Variants in SLC27A1 observed in about 807,000 individuals in gnomAD.
SLC27A1 encodes long-chain fatty acid transport protein 1.
A neutral mutation model predicts 62.2 loss-of-function variants in SLC27A1; 61 were observed. That is an observed-to-expected ratio of 0.98 (90% CI 0.80 to 1.21). The LOEUF (loss-of-function observed/expected upper bound fraction) is 1.21, where lower values mean the gene tolerates loss of function less well. Ranked by LOEUF, SLC27A1 falls within the 50% of genes most tolerant of loss-of-function variation. The pLI, the probability that SLC27A1 is intolerant of heterozygous loss-of-function variation, is 0.00. For synonymous variants in SLC27A1, 435 were observed against 408.6 expected (o/e 1.06, Z -0.78); for missense variants, 903 against 932.1 (o/e 0.97, Z 0.41).
intron 6 of SLC27A1, among the ~76,000 whole-genome samples, chr19:17,492,097 G>A (rs762790361): frequency 6.6e-6 from 1 of 152,060 alleles, no homozygotes; most frequent in Non-Finnish European, 1.5e-5. Context: ...TGGCCTCCCT[G>A]CACCAGATGC....
chr19:17,487,002 G>T, intron 2 of SLC27A1, 45 bp downstream of exon 2: 1 of 1,540,070 alleles, frequency 6.5e-7, no homozygotes. Context: ...CCCAGGACTG[G>T]CCCCTGGGCG....
intron 11 of SLC27A1, among the ~76,000 whole-genome samples, chr19:17,502,618 T>C (rs902621490): frequency 6.6e-6 from 1 of 152,010 alleles, no homozygotes; most frequent in Admixed American, 6.6e-5. Context: ...CCTCCCAAAG[T>C]GTTGGGATTA....
intron 1 of SLC27A1, among the ~76,000 whole-genome samples, chr19:17,483,083 AGGG>A (rs1599648156): frequency 1.3e-5 from 2 of 152,170 alleles, no homozygotes; most frequent in African/African-American, 2.4e-5. Flanking sequence ...TGAATGAATG[AGGG>A]AAGGAGGGAA....
In SLC27A1 at chr19:17,504,734, G is replaced by A. The variant is rs781076125; in HGVS notation, c.*122G>A. 7.6e-6 allele frequency: 10 copies of A among 1,311,404 alleles called. No homozygotes were observed. The highest frequency in any genetic ancestry group is 1.1e-5 in the Non-Finnish European group (10 of 936,338). The allele number at this position is 1,311,404 out of a possible 1,614,324, so 81.2% of individuals were successfully genotyped here. On this transcript the variant is annotated 3_prime_UTR_variant, in exon 12 of 12. Coordinates refer to ENST00000252595, the MANE Select transcript of SLC27A1 (RefSeq NM_198580.3). ...ACCTGGCCGAGCTGTACCTGGCACG[G>A]CCCATCCTGGACTGAGAAACTGGAA...
At position 17,488,841 on chromosome 19, in the gene SLC27A1, C is replaced by A. The variant is rs758008791; in HGVS notation, c.795-7C>A. The A allele has an allele frequency of 1.2e-6, 2 of 1,613,040 alleles. No individual in the cohort carries two copies. Among genetic ancestry groups the A allele is most frequent in the South Asian group, 1.1e-5 (1 of 90,982 alleles). On this transcript the variant is annotated splice_region_variant and splice_polypyrimidine_tract_variant and intron_variant, in intron 4 of 11. Coordinates refer to ENST00000252595, the MANE Select transcript of SLC27A1 (RefSeq NM_198580.3). ...CTCTGCCCTCCCGGCTCCCCCTCCC[C>A]CTGCAGGTACTACCGCATGGCAGCC...
intron 11 of SLC27A1, among the ~76,000 whole-genome samples, 191 bp from the exon 12 acceptor site, chr19:17,504,264 C>T (rs1010603389): frequency 6.6e-6 from 1 of 152,074 alleles, no homozygotes; most frequent in Admixed American, 6.6e-5. Context: ...GTTAGGGAGG[C>T]CTCACTGGAG....
intron 1 of SLC27A1, among the ~76,000 whole-genome samples, chr19:17,477,721 T>G (rs1182899618): frequency 1.3e-5 from 2 of 150,430 alleles, no homozygotes; most frequent in Non-Finnish European, 3.0e-5. Flanking sequence ...CCCGGCTAAT[T>G]TTTTTGTATT....
rs142845009 is a variant in SLC27A1 at position 17,489,082 on chromosome 19, C to G, written c.961C>G (p.Arg321Gly). ...VVLRKKFSAS[R>G]FWDDCIKYNC... is the part of the protein sequence containing the mutation. ...CCTCCGCAAGAAATTCTCGGCCAGC[C>G]GCTTCTGGGACGACTGCATCAAGTA... The change falls in exon 6 of 12, where the codon CGC becomes GGC. Residue 321 changes from arginine (R) to glycine (G), a missense_variant. Arg to Gly is a moderately radical substitution (Grantham distance 125). Transcript: ENST00000252595. 1.9e-6 allele frequency: 3 copies of G among 1,614,054 alleles called. No homozygotes were observed. The highest frequency in any genetic ancestry group is 1.7e-5 in the Admixed American group (1 of 60,002).
chr19:17,483,070 G>T (rs1426623371), intron 1 of SLC27A1, among the ~76,000 whole-genome samples: 2 of 151,856 alleles, frequency 1.3e-5, no homozygotes, highest in African/African-American at 4.8e-5. Context: ...GTGAAGGAGG[G>T]AATGAATGAA....
At chr19:17,488,514 C>CA (rs1363895811) in intron 4 of SLC27A1, among the ~76,000 whole-genome samples, 1 of 152,176 alleles carries the variant, frequency 6.6e-6, no homozygotes, top group Non-Finnish European at 1.5e-5. Flanking sequence ...TCAGGGCCCT[C>CA]ACATGTGCTG....
chr19:17,476,342 C>G (rs932440826), intron 1 of SLC27A1, among the ~76,000 whole-genome samples: 2 of 152,050 alleles, frequency 1.3e-5, no homozygotes, highest in Non-Finnish European at 2.9e-5. Context: ...TCGAGACTAG[C>G]CTGGCCAACG....
intron 1 of SLC27A1, among the ~76,000 whole-genome samples, chr19:17,472,362 T>C (rs1729104313): frequency 6.9e-6 from 1 of 145,456 alleles, no homozygotes; most frequent in African/African-American, 2.6e-5. Flanking sequence ...GCCACTGCAG[T>C]CCAGCTTGGG....
In SLC27A1 at chr19:17,486,525, G is replaced by A. The variant is rs2075230853; in HGVS notation, c.168-38G>A. On this transcript the variant is annotated intron_variant, in intron 1 of 11. Coordinates refer to ENST00000252595, the MANE Select transcript of SLC27A1 (RefSeq NM_198580.3). The surrounding 1 kb of genome is among the most constrained non-coding windows in gnomAD (Gnocchi z 6.6). The stretch of plus-strand genomic sequence containing the variant: ...GGCTCCCAGAGGCCAGGCGGGGCAG[G>A]GCACCAGTGACGCTGTCCCCTCCGT... The A allele has an allele frequency of 6.5e-7, 1 of 1,530,332 alleles. No homozygotes were observed. Among genetic ancestry groups the A allele is most frequent in the South Asian group, 1.2e-5 (1 of 83,684 alleles). 94.8% of individuals were successfully genotyped at this position (1,530,332 alleles called of 1,614,324 possible). A position where few individuals can be genotyped will look rare whatever the true frequency, so the allele number is the denominator to read the frequency against.
chr19:17,487,182 G>T lies in SLC27A1; in HGVS notation c.571G>T (p.Glu191Ter), dbSNP rs146648981. 5.0e-6 allele frequency: 8 copies of T among 1,614,082 alleles called. No homozygotes were observed. The highest frequency in any genetic ancestry group is 5.9e-6 in the Non-Finnish European group (7 of 1,179,994). The change falls in exon 3 of 12, where the codon GAA becomes TAA. Residue 191 changes from glutamate to a stop codon, truncating the protein, a stop_gained. Transcript: ENST00000252595. LOFTEE classifies it high-confidence loss of function. ...FGGEMVAAVA[E>*]VSGHLGKSLI... ...TGTGTTGGGGACCACAGCGGTGGCC[G>T]AAGTGAGCGGGCATCTGGGGAAAAG...
rs1292566174 is a variant in SLC27A1, at chr19:17,486,858, G to A, written c.463G>A (p.Ala155Thr). The A allele has an allele frequency of 1.3e-6, 2 of 1,585,808 alleles. No homozygotes were observed. Among genetic ancestry groups the A allele is most frequent in the South Asian group, 1.1e-5 (1 of 89,086 alleles). ...GGGCCTGGCCAAGGCGGGCATGGAG[G>A]CCGCGCTGCTCAACGTGAACCTGCG... ...WLGLAKAGME[A>T]ALLNVNLRRE... Residue 155 changes from alanine (A) to threonine (T), a missense_variant, in exon 2 of 12, where the codon GCC becomes ACC. Physicochemically the swap from Ala to Thr is moderately conservative, Grantham distance 58 (BLOSUM62 0). Coordinates refer to ENST00000252595, the MANE Select transcript of SLC27A1 (RefSeq NM_198580.3). The surrounding 1 kb of genome is among the most constrained non-coding windows in gnomAD (Gnocchi z 6.6).
intron 6 of SLC27A1, among the ~76,000 whole-genome samples, chr19:17,493,444 A>AC (rs1398796710): frequency 1.3e-5 from 2 of 151,438 alleles, no homozygotes; most frequent in African/African-American, 4.8e-5. Context: ...AAAAAAAAAA[A>AC]AAAAACAGGA....
chr19:17,469,819 T>C (rs946368201), upstream of SLC27A1, among the ~76,000 whole-genome samples: 1 of 142,730 alleles, frequency 7.0e-6, no homozygotes, highest in Non-Finnish European at 1.5e-5. Flanking sequence ...GCCTGGGAAC[T>C]TGGGCTAGGC....
At chr19:17,476,009 C>T (rs2075118282) in intron 1 of SLC27A1, among the ~76,000 whole-genome samples, 1 of 152,186 alleles carries the variant, frequency 6.6e-6, no homozygotes, top group Non-Finnish European at 1.5e-5. Flanking sequence ...CGTGTTCCCA[C>T]ATCTAGCTCT....
At chr19:17,488,679 C>T in intron 4 of SLC27A1, 169 bp from the exon 5 acceptor site, 1 of 639,970 alleles carries the variant, frequency 1.6e-6, no homozygotes, top group South Asian at 1.8e-5. Flanking sequence ...CTCGTGACAC[C>T]TAACACCACC....
Sources: gnomAD v4.1 joint callset for allele counts (sites outside exome capture counted in the v4.1 genomes callset) on GRCh38, gnomAD v4.1.1 for gene constraint, Gnocchi (gnomAD v3.1) non-coding constraint, MANE v1.5 for transcripts, NCBI Gene and HGNC (gene_info 2026-07-23, HGNC 2026-07-21) for gene names.